CNTLN: variants seen among roughly 807,000 people sequenced by gnomAD.
The protein encoded by CNTLN is centlein.
Under a neutral mutation model 180.0 loss-of-function variants are expected in CNTLN, and 212 were observed. The ratio of observed to expected loss-of-function variants is 1.18; its 90% CI spans 1.05 to 1.32. CNTLN has a LOEUF of 1.32. Ranked by LOEUF, CNTLN falls within the 40% of genes most tolerant of loss-of-function variation. The pLI, the probability that CNTLN is intolerant of heterozygous loss-of-function variation, is 0.00. For synonymous variants in CNTLN, 722 were observed against 563.1 expected, an observed-to-expected ratio of 1.28 and a Z score of -3.99; for missense variants, 2,095 against 1,610.9, an observed-to-expected ratio of 1.30 and a Z score of -5.14.
intron 13 of CNTLN, among the ~76,000 whole-genome samples, chr9:17,381,216 A>G (rs543349389): frequency 6.6e-6 from 1 of 152,186 alleles, no homozygotes; most frequent in African/African-American, 2.4e-5. Context: ...TTTGGCCTTT[A>G]TGCTGCCAGT....
At chr9:17,400,081 A>T (rs931461551) in intron 15 of CNTLN, among the ~76,000 whole-genome samples, 1 of 152,148 alleles carries the variant, frequency 6.6e-6, no homozygotes, top group Non-Finnish European at 1.5e-5. Flanking sequence ...CTCAGCCAAG[A>T]ACATAAGTTG....
chr9:17,226,949 A>T (rs1396947649), intron 3 of CNTLN, among the ~76,000 whole-genome samples: 1 of 151,368 alleles, frequency 6.6e-6, no homozygotes, highest in Non-Finnish European at 1.5e-5. Flanking sequence ...ATATTTTTTT[A>T]TACTTTAAGT....
chr9:17,354,414 C>A (rs908048228), intron 12 of CNTLN, among the ~76,000 whole-genome samples: 1 of 152,158 alleles, frequency 6.6e-6, no homozygotes, highest in Admixed American at 6.5e-5. Context: ...TCTGGTGGGG[C>A]CTTGGAGGAC....
intron 18 of CNTLN, among the ~76,000 whole-genome samples, chr9:17,442,922 A>T (rs974132847): frequency 6.6e-6 from 1 of 152,126 alleles, no homozygotes; most frequent in African/African-American, 2.4e-5. Context: ...TTTTCTGATA[A>T]AATTAAATAT....
At chr9:17,301,030 A>C (rs953868392) in intron 7 of CNTLN, 4 of 985,208 alleles carry the variant, frequency 4.1e-6, no homozygotes, top group Non-Finnish European at 4.8e-6. Context: ...AGTAGAGGGA[A>C]ATATGGGAGC....
rs112032166 is a variant in CNTLN at position 17,298,634 on chromosome 9, A to T, written c.1146+282A>T. Reference sequence around the variant, plus strand: ...CATTCAGACAGCTTCTGTGAAACATACTAGGAGTATAGTCTCAAAACTGGA... The same window carrying T: ...CATTCAGACAGCTTCTGTGAAACATTCTAGGAGTATAGTCTCAAAACTGGA... On this transcript the variant is annotated intron_variant, in intron 7 of 25. Coordinates refer to ENST00000380647, the MANE Select transcript of CNTLN (RefSeq NM_017738.4). 6.5e-4 allele frequency: 683 copies of T among 1,052,692 alleles called. 4 individuals carry two copies. In the African/African-American group the frequency reaches 0.01, roughly 16 times the overall value. The allele number at this position is 1,052,692 out of a possible 1,614,324, so 65.2% of individuals were successfully genotyped here. A position where few individuals can be genotyped will look rare whatever the true frequency, so the allele number is the denominator to read the frequency against.
chr9:17,481,460 A>G (rs995859762), intron 23 of CNTLN, among the ~76,000 whole-genome samples: 3 of 152,236 alleles, frequency 2.0e-5, no homozygotes, highest in Middle Eastern at 3.4e-3. Context: ...CTGACCTGGG[A>G]GTCCTGTAAC....
chr9:17,384,356 G>A (rs17830132), intron 13 of CNTLN, among the ~76,000 whole-genome samples: 5,394 of 150,694 alleles, frequency 0.036, 138 homozygotes, highest in South Asian at 0.13. Context: ...TACTTACATC[G>A]TCCTGGTAAC....
intron 2 of CNTLN, among the ~76,000 whole-genome samples, chr9:17,223,337 G>T (rs190846911): frequency 6.6e-6 from 1 of 152,012 alleles, no homozygotes; most frequent in Non-Finnish European, 1.5e-5. Flanking sequence ...TCCTAAAGTT[G>T]TATCTCCAGC....
intron 12 of CNTLN, among the ~76,000 whole-genome samples, chr9:17,344,931 C>T (rs961889090): frequency 2.6e-5 from 4 of 152,244 alleles, no homozygotes; most frequent in East Asian, 1.9e-4. Flanking sequence ...ATTTGTTCTC[C>T]TTCCCTATAG....
intron 15 of CNTLN, among the ~76,000 whole-genome samples, chr9:17,400,391 C>T (rs1826878763): frequency 6.6e-6 from 1 of 152,146 alleles, no homozygotes; most frequent in Non-Finnish European, 1.5e-5. Context: ...CCTGCCTCGG[C>T]CTCCCAAAGT....
At position 17,261,980 on chromosome 9, in the gene CNTLN, C is replaced by G. The variant is rs1045666344; in HGVS notation, c.850-11753C>G. ...GATGCCAACAAACATAGGAAAAAAG[C>G]TTATCAGTAGTCATTAGAGAAATGC... is the stretch of plus-strand genomic sequence containing the variant. On this transcript the variant is annotated intron_variant, in intron 5 of 25. Transcript: ENST00000380647. Among the ~76,000 whole-genome samples the G allele has an allele frequency of 1.1e-4, 17 of 151,190 alleles. 1 individual carries two copies. Among genetic ancestry groups the G allele is most frequent in the African/African-American group, 4.2e-4 (17 of 40,904 alleles).
intron 18 of CNTLN, among the ~76,000 whole-genome samples, chr9:17,425,948 A>G (rs1043844769): frequency 5.9e-5 from 9 of 152,198 alleles, no homozygotes; most frequent in African/African-American, 1.7e-4. Flanking sequence ...AGATATGGAT[A>G]TTTTTCAGCC....
At chr9:17,397,814 G>T (rs1826655725) in intron 15 of CNTLN, among the ~76,000 whole-genome samples, 1 of 152,106 alleles carries the variant, frequency 6.6e-6, no homozygotes, top group African/African-American at 2.4e-5. Context: ...ATTGTCATTT[G>T]TGTTATTTAG....
At chr9:17,366,924 T>C (rs940368875) in intron 13 of CNTLN, among the ~76,000 whole-genome samples, 2 of 152,144 alleles carry the variant, frequency 1.3e-5, no homozygotes, top group Admixed American at 6.5e-5. Context: ...TTAAAAAATC[T>C]AGGGGAGAAC....
intron 18 of CNTLN, among the ~76,000 whole-genome samples, chr9:17,452,576 A>G (rs1830846944): frequency 6.6e-6 from 1 of 152,184 alleles, no homozygotes; most frequent in Admixed American, 6.6e-5. Context: ...GTTTATTGTT[A>G]CATATTTCTG....
chr9:17,221,510 G>T (rs1172689208), intron 2 of CNTLN, among the ~76,000 whole-genome samples: 1 of 152,026 alleles, frequency 6.6e-6, no homozygotes, highest in African/African-American at 2.4e-5. Context: ...AAGATAAAGT[G>T]CAAATGGTAA....
At chr9:17,242,413 G>T (rs1825550957) in intron 5 of CNTLN, among the ~76,000 whole-genome samples, 1 of 152,030 alleles carries the variant, frequency 6.6e-6, no homozygotes, top group South Asian at 2.1e-4. Context: ...GGGTTCAAGT[G>T]ATTCTTGCCT....
chr9:17,494,772 C>T (rs1833357115), intron 25 of CNTLN: 57 of 322,088 alleles, frequency 1.8e-4, no homozygotes, highest in South Asian at 1.4e-3. Flanking sequence ...ACCTGCTGTG[C>T]TGCCACCCAT....
Sources: allele counts gnomAD v4.1 joint callset (sites outside exome capture counted in the v4.1 genomes callset), GRCh38; gene constraint gnomAD v4.1.1; transcripts MANE v1.5; gene names NCBI Gene and HGNC (gene_info 2026-07-23, HGNC 2026-07-21).